UNC13C: variants seen among roughly 807,000 people sequenced by gnomAD.
UNC13C encodes unc-13 homolog C, also known as protein unc-13 homolog C.
A neutral mutation model predicts 245.4 loss-of-function variants in UNC13C; 174 were observed. The ratio of observed to expected loss-of-function variants is 0.71; its 90% confidence interval spans 0.63 to 0.80. The LOEUF (loss-of-function observed/expected upper bound fraction) is 0.80, where lower values mean the gene tolerates loss of function less well. Among genes scored for constraint, UNC13C ranks in the 30% least tolerant of loss-of-function variants. The pLI, the probability that UNC13C is intolerant of heterozygous loss-of-function variation, is 0.00. For synonymous variants in UNC13C, 992 were observed against 895.1 expected (o/e 1.11, Z -1.93); for missense variants, 2,829 against 2,602.9 (o/e 1.09, Z -1.89).
chr15:53,893,314 G>A, the UNC13C span, among the ~76,000 whole-genome samples: 1 of 152,216 alleles, frequency 6.6e-6, no homozygotes, highest in Non-Finnish European at 1.5e-5. Context: ...TTATCTCCCA[G>A]TCAGGATACA....
intron 2 of UNC13C, among the ~76,000 whole-genome samples, chr15:54,062,993 G>T (rs1047678155): frequency 6.6e-6 from 1 of 152,170 alleles, no homozygotes; most frequent in Non-Finnish European, 1.5e-5. Flanking sequence ...GGAAAGAAAG[G>T]CTCATTAGTT....
chr15:54,070,651 A>T (rs1018581250), intron 2 of UNC13C, among the ~76,000 whole-genome samples: 1 of 152,042 alleles, frequency 6.6e-6, no homozygotes, highest in African/African-American at 2.4e-5. Context: ...GGATACTTGG[A>T]CCATGCATGT....
chr15:54,404,393 G>A (rs543649958), intron 18 of UNC13C, among the ~76,000 whole-genome samples: 2 of 151,600 alleles, frequency 1.3e-5, no homozygotes, highest in African/African-American at 4.8e-5. Flanking sequence ...TTATTAAATT[G>A]TTGTGTCTCA....
chr15:54,154,749 G>T (rs1342961958), intron 4 of UNC13C, among the ~76,000 whole-genome samples: 1 of 152,152 alleles, frequency 6.6e-6, no homozygotes, highest in African/African-American at 2.4e-5. Context: ...AAAAGAGAAG[G>T]TTCAAGTGAG....
intron 4 of UNC13C, among the ~76,000 whole-genome samples, chr15:54,180,531 T>C (rs1005240080): frequency 6.6e-6 from 1 of 152,112 alleles, no homozygotes; most frequent in Admixed American, 6.6e-5. Flanking sequence ...ATGGCATTGC[T>C]GGGTCAAATG....
intron 19 of UNC13C, among the ~76,000 whole-genome samples, chr15:54,446,104 G>A (rs1890798175): frequency 6.6e-6 from 1 of 152,132 alleles, no homozygotes; most frequent in Non-Finnish European, 1.5e-5. Flanking sequence ...GATAGTTGTA[G>A]ATGTGTGGTA....
At position 54,220,380 on chromosome 15, in the gene UNC13C, G is replaced by T. The variant is rs530024936; in HGVS notation, c.3072-14650G>T. The stretch of plus-strand genomic sequence containing the variant: ...CAAACAGCGCATGTTCTCACTCATA[G>T]ATGGGAATTGAACAATGAGAACACA... On this transcript the variant is annotated intron_variant, in intron 4 of 32. Transcript: ENST00000260323. Among the ~76,000 whole-genome samples, 24 of 144,386 alleles carry T rather than the reference G, an allele frequency of 1.7e-4. No homozygotes were observed. The East Asian group carries it at 3.0e-3, about 18-fold the overall frequency. The allele number at this position is 144,386 out of a possible 152,430, so 94.7% of individuals were successfully genotyped here.
chr15:54,038,369 G>A (rs1896679300), intron 2 of UNC13C, among the ~76,000 whole-genome samples: 1 of 151,556 alleles, frequency 6.6e-6, no homozygotes, highest in African/African-American at 2.4e-5. Flanking sequence ...TGGCCTCAAA[G>A]TGATCCGCCC....
At chr15:54,151,315 T>G (rs2032504482) in intron 4 of UNC13C, among the ~76,000 whole-genome samples, 1 of 152,164 alleles carries the variant, frequency 6.6e-6, no homozygotes, top group South Asian at 2.1e-4. Context: ...CATTATTTAA[T>G]AGTATTTAAG....
chr15:54,328,413 G>A (rs971082065), intron 14 of UNC13C, among the ~76,000 whole-genome samples: 4 of 151,936 alleles, frequency 2.6e-5, no homozygotes, highest in Admixed American at 6.6e-5. Flanking sequence ...TTTGCTTGTC[G>A]TGTTCTGAAT....
chr15:54,174,771 T>G (rs982299728), intron 4 of UNC13C, among the ~76,000 whole-genome samples: 3 of 152,182 alleles, frequency 2.0e-5, no homozygotes, highest in Non-Finnish European at 4.4e-5. Flanking sequence ...ATAATAATCA[T>G]TTCAAAAGCC....
chr15:54,143,509 A>G lies in UNC13C; in HGVS notation c.3007-111A>G. ...GCTGACCCTGCTTAGCATCTGTCAT[A>G]CTAGGTGTTACGTGTGTAGTGCAGC... On this transcript the variant is annotated intron_variant, in intron 3 of 32. Transcript: ENST00000260323. The G allele has an allele frequency of 5.4e-6, 4 of 741,410 alleles. No individual in the cohort carries two copies. In the South Asian group the frequency reaches 7.0e-5, roughly 13 times the overall value. The allele number at this position is 741,410 out of a possible 1,614,324, so 45.9% of individuals were successfully genotyped here. A position where few individuals can be genotyped will look rare whatever the true frequency, so the allele number is the denominator to read the frequency against.
At chr15:54,403,630 C>T (rs2040232740) in intron 18 of UNC13C, among the ~76,000 whole-genome samples, 1 of 141,158 alleles carries the variant, frequency 7.1e-6, no homozygotes, top group Non-Finnish European at 1.5e-5. Flanking sequence ...GCGGAAGGAT[C>T]TGCTTGAACC....
intron 19 of UNC13C, among the ~76,000 whole-genome samples, chr15:54,438,511 T>C (rs1415168870): frequency 1.3e-5 from 2 of 152,008 alleles, no homozygotes; most frequent in African/African-American, 4.8e-5. Context: ...GAGTCCTCTT[T>C]CTTAGTTCCT....
chr15:54,495,659 T>TAA (rs1893915548), intron 20 of UNC13C, among the ~76,000 whole-genome samples: 1 of 152,000 alleles, frequency 6.6e-6, no homozygotes, highest in Non-Finnish European at 1.5e-5. Flanking sequence ...ATAAAATTAA[T>TAA]AGAAAGTAAT....
intron 2 of UNC13C, among the ~76,000 whole-genome samples, chr15:54,098,563 GTTCT>G (rs767978489): frequency 6.6e-6 from 1 of 151,894 alleles, no homozygotes; most frequent in African/African-American, 2.4e-5. Flanking sequence ...ATGCCTAAAT[GTTCT>G]TTCTAAGAAT....
chr15:53,982,173 T>C (rs1893953512), intron 1 of UNC13C, among the ~76,000 whole-genome samples: 1 of 152,154 alleles, frequency 6.6e-6, no homozygotes, highest in Non-Finnish European at 1.5e-5. Flanking sequence ...ATCTTCAGCC[T>C]GTCTTTTGCT....
chr15:54,203,755 C>CACATAT (rs1272494162), intron 4 of UNC13C, among the ~76,000 whole-genome samples: 1 of 99,760 alleles, frequency 1.0e-5, no homozygotes, highest in East Asian at 3.5e-4. Flanking sequence ...TGTATATATA[C>CACATAT]ACATATATAT....
the UNC13C span, among the ~76,000 whole-genome samples, chr15:53,865,335 C>T: frequency 5.9e-5 from 9 of 152,212 alleles, no homozygotes; most frequent in East Asian, 5.8e-4. Flanking sequence ...TAGTTTCTCA[C>T]GGTTTTGGAG....
Sources: gnomAD v4.1 joint callset for allele counts (sites outside exome capture counted in the v4.1 genomes callset) on GRCh38, gnomAD v4.1.1 for gene constraint, MANE v1.5 for transcripts, NCBI Gene and HGNC (gene_info 2026-07-23, HGNC 2026-07-21) for gene names.